The following RP1 variants were observed in gnomAD, a reference collection of about 807,000 sequenced individuals.
The protein encoded by RP1 is RP1 axonemal microtubule associated, also known as oxygen-regulated protein 1.
In RP1, 16 loss-of-function variants were observed where a neutral mutation model predicts 14.8. That is an observed-to-expected ratio of 1.08 (90% CI 0.73 to 1.65). The LOEUF is 1.65. Ranked by LOEUF, RP1 falls within the 40% of genes most tolerant of loss-of-function variation. RP1 has a pLI of 0.00. For missense variants in RP1, 2,631 were observed against 2,535.0 expected (o/e 1.04, Z -0.81); for synonymous variants, 876 against 883.6 (o/e 0.99, Z 0.15).
intron 25 of RP1, among the ~76,000 whole-genome samples, chr8:54,851,271 T>TG (rs1812055920): frequency 6.6e-6 from 1 of 152,188 alleles, no homozygotes; most frequent in East Asian, 1.9e-4. Context: ...ATGGAGTTTG[T>TG]GTTCTAAATG....
intron 1 of RP1, among the ~76,000 whole-genome samples, chr8:54,601,586 A>G (rs1034851688): frequency 2.0e-5 from 3 of 150,804 alleles, no homozygotes; most frequent in Admixed American, 1.3e-4. Context: ...AAAAAACAAA[A>G]TAAAAAACTT....
intron 1 of RP1, among the ~76,000 whole-genome samples, chr8:54,598,528 T>C (rs1203182565): frequency 6.6e-6 from 1 of 152,340 alleles, no homozygotes; most frequent in East Asian, 1.9e-4. Flanking sequence ...GGAAAGTTTA[T>C]TGTATTTATT....
At chr8:54,831,821 A>AT (rs745360320) in intron 24 of RP1, among the ~76,000 whole-genome samples, 85 of 150,866 alleles carry the variant, frequency 5.6e-4, no homozygotes, top group Non-Finnish European at 9.8e-4. Flanking sequence ...TTCTCTTTGC[A>AT]TTTTTTGTAG....
chr8:54,578,236 T>G (rs1026162684), intron 1 of RP1, among the ~76,000 whole-genome samples: 2 of 152,170 alleles, frequency 1.3e-5, no homozygotes, highest in Non-Finnish European at 2.9e-5. Flanking sequence ...GGACAGCGTC[T>G]CATTCTGTTG....
intron 25 of RP1, among the ~76,000 whole-genome samples, chr8:54,840,948 C>A (rs1811776581): frequency 6.6e-6 from 1 of 152,038 alleles, no homozygotes; most frequent in South Asian, 2.1e-4. Context: ...GTCCAGTTGC[C>A]CCTTTCCCAG....
At chr8:54,769,085 G>A (rs529932832) in intron 22 of RP1, among the ~76,000 whole-genome samples, 1 of 151,648 alleles carries the variant, frequency 6.6e-6, no homozygotes, top group Admixed American at 6.6e-5. Context: ...TAGTAGAGAT[G>A]GGCTTTCACC....
intron 18 of RP1, among the ~76,000 whole-genome samples, chr8:54,735,891 G>A (rs1808906867): frequency 6.6e-6 from 1 of 152,062 alleles, no homozygotes; most frequent in Non-Finnish European, 1.5e-5. Context: ...ATGTTTTTCT[G>A]AAAAATTTAC....
chr8:54,669,791 A>T (rs1585593723), intron 7 of RP1, among the ~76,000 whole-genome samples: 1 of 141,156 alleles, frequency 7.1e-6, no homozygotes, highest in African/African-American at 2.6e-5. Flanking sequence ...AAAACCAAAC[A>T]CCGCATGTTC....
chr8:54,842,905 C>A (rs1316057067), intron 25 of RP1, among the ~76,000 whole-genome samples: 1 of 152,186 alleles, frequency 6.6e-6, no homozygotes, highest in African/African-American at 2.4e-5. Context: ...TTGCCCAGGC[C>A]TCTGCATGGT....
At chr8:54,695,275 A>G (rs1162572779) in intron 12 of RP1, among the ~76,000 whole-genome samples, 1 of 152,040 alleles carries the variant, frequency 6.6e-6, no homozygotes, top group Non-Finnish European at 1.5e-5. Context: ...TCTCAGCAGA[A>G]ATAACTGATT....
intron 1 of RP1, among the ~76,000 whole-genome samples, chr8:54,604,166 T>C (rs1023408009): frequency 1.3e-5 from 2 of 152,110 alleles, no homozygotes; most frequent in African/African-American, 4.8e-5. Context: ...ATGATATTGG[T>C]TGTGGGTTTG....
chr8:54,817,763 T>C (rs1046174889), intron 24 of RP1, among the ~76,000 whole-genome samples: 1 of 152,230 alleles, frequency 6.6e-6, no homozygotes, highest in African/African-American at 2.4e-5. Context: ...CTGTTAATTT[T>C]ACTGATGTTC....
intron 12 of RP1, chr8:54,696,427 C>T: frequency 2.7e-6 from 2 of 731,350 alleles, no homozygotes; most frequent in Non-Finnish European, 2.4e-6. Flanking sequence ...GAAAAAATCC[C>T]TTTGTTCCAG....
intron 1 of RP1, among the ~76,000 whole-genome samples, chr8:54,593,229 G>T (rs746713660): frequency 6.6e-6 from 1 of 152,084 alleles, no homozygotes; most frequent in Admixed American, 6.5e-5. Context: ...TCTTTAATCT[G>T]CCATCAAGGT....
In RP1 at chr8:54,689,025, G is replaced by C. The variant is rs138286023; in HGVS notation, c.1717+9092G>C. On this transcript the variant is annotated intron_variant, in intron 12 of 22. Transcript: ENST00000636932. ...TGTAGTTCTTCTTGAAGAGGTCCTT[G>C]ACATCCCTTGTAAGTTGGATTCCTA... Among the ~76,000 whole-genome samples, 932 of 152,072 alleles carry C rather than the reference G, an allele frequency of 6.1e-3. 6 individuals carry two copies. The highest frequency in any genetic ancestry group is 0.019 in the African/African-American group (795 of 41,518).
chr8:54,793,775 G>T (rs1810521147), intron 24 of RP1, among the ~76,000 whole-genome samples: 1 of 151,942 alleles, frequency 6.6e-6, no homozygotes, highest in East Asian at 1.9e-4. Flanking sequence ...ACAAGATAAG[G>T]GTGCCTACTC....
At chr8:54,683,995 GTTTT>G (rs35978244) in intron 12 of RP1, among the ~76,000 whole-genome samples, 3 of 132,044 alleles carry the variant, frequency 2.3e-5, no homozygotes, top group Non-Finnish European at 4.9e-5. Context: ...TTGCTTGAGA[GTTTT>G]TTTTTTTTTT....
At chr8:54,686,535 C>A (rs1253001243) in intron 12 of RP1, among the ~76,000 whole-genome samples, 1 of 152,084 alleles carries the variant, frequency 6.6e-6, no homozygotes, top group African/African-American at 2.4e-5. Flanking sequence ...TGCCTAAAAG[C>A]AGACACACAG....
Position 54,812,314 on chromosome 8 carries a change from T to C in RP1, c.3616-25136T>C, listed in dbSNP as rs1428840832. Among the ~76,000 whole-genome samples, 10 of 152,314 alleles carry C rather than the reference T, an allele frequency of 6.6e-5. No individual in the cohort carries two copies. The South Asian group carries it at 1.7e-3, about 25-fold the overall frequency. ...CGCCATCATGCCTGGCTGATTTTTG[T>C]ATTTTTAATAGAGACAGGGTTTTGC... On this transcript the variant is annotated intron_variant, in intron 24 of 28. Transcript: ENST00000637698.
Sources: gnomAD v4.1 joint callset for allele counts (sites outside exome capture counted in the v4.1 genomes callset) on GRCh38, gnomAD v4.1.1 for gene constraint, MANE v1.5 for transcripts, NCBI Gene and HGNC (gene_info 2026-07-23, HGNC 2026-07-21) for gene names.